The following CCDC149 variants were observed in gnomAD, a reference collection of about 807,000 sequenced individuals.
CCDC149 encodes coiled-coil domain containing 149.
In CCDC149, 45 loss-of-function variants were observed where a neutral mutation model predicts 59.9. The ratio of observed to expected loss-of-function variants is 0.75; its 90% CI spans 0.59 to 0.96. The LOEUF (loss-of-function observed/expected upper bound fraction) is 0.96. Among genes scored for constraint, CCDC149 ranks in the 40% least tolerant of loss-of-function variants. The probability of loss-of-function intolerance (pLI) is 0.00; values close to 1 mark genes in which losing one functional copy is unlikely to be tolerated. For synonymous variants in CCDC149, 245 were observed against 260.6 expected (o/e 0.94, Z 0.58); for missense variants, 584 against 664.7 (o/e 0.88, Z 1.33).
chr4:24,877,072 G>A (rs1017571085), intron 1 of CCDC149, among the ~76,000 whole-genome samples: 4 of 152,002 alleles, frequency 2.6e-5, no homozygotes, highest in Non-Finnish European at 5.9e-5. Context: ...TGTTACTAAC[G>A]ATAAACTCTT....
intron 12 of CCDC149, among the ~76,000 whole-genome samples, chr4:24,817,535 C>T (rs1432751569): frequency 6.6e-6 from 1 of 151,648 alleles, no homozygotes; most frequent in African/African-American, 2.4e-5. Context: ...TCATCTGGGT[C>T]TTCTTACCCA....
chr4:24,885,895 G>T (rs1188860542), intron 1 of CCDC149, among the ~76,000 whole-genome samples: 2 of 152,138 alleles, frequency 1.3e-5, no homozygotes, highest in African/African-American at 4.8e-5. Context: ...GGAATAATAA[G>T]AAGACCTTCA....
downstream of CCDC149, among the ~76,000 whole-genome samples, chr4:24,805,209 C>T (rs1035785480): frequency 2.0e-5 from 3 of 152,182 alleles, no homozygotes; most frequent in African/African-American, 4.8e-5. Flanking sequence ...GACCTGTCAG[C>T]TCTGTTTCAT....
At chr4:24,853,329 T>G (rs1717787185) in intron 3 of CCDC149, 150 bp from the exon 4 acceptor site, 1 of 651,600 alleles carries the variant, frequency 1.5e-6, no homozygotes, top group African/African-American at 1.8e-5. Flanking sequence ...GCAGCCAGTG[T>G]GTGAATCACA....
At position 24,819,895 on chromosome 4, in the gene CCDC149, C is replaced by T. The variant is rs771408099; in HGVS notation, c.1156G>A (p.Glu386Lys). The T allele has an allele frequency of 1.5e-5, 24 of 1,551,472 alleles. No individual in the cohort carries two copies. Among genetic ancestry groups the T allele is most frequent in the African/African-American group, 2.7e-5 (2 of 73,002 alleles). ...TCTGCTTTGTTCTCAGTGGGCTGCTCGACAAACTTCAGCAGTGGGGATCTC... is the reference window on the plus strand; with the variant it reads ...TCTGCTTTGTTCTCAGTGGGCTGCTTGACAAACTTCAGCAGTGGGGATCTC... Residue 386 changes from glutamate (E) to lysine (K), a missense_variant, in exon 12 of 13, where the codon GAG becomes AAG. Physicochemically the swap from Glu to Lys is moderately conservative, Grantham distance 56. Coordinates refer to ENST00000635206, the MANE Select transcript of CCDC149 (RefSeq NM_001330643.2).
At chr4:24,868,863 T>A (rs1300859524) in intron 3 of CCDC149, among the ~76,000 whole-genome samples, 1 of 152,204 alleles carries the variant, frequency 6.6e-6, no homozygotes, top group Non-Finnish European at 1.5e-5. Context: ...TCTGGCTCCA[T>A]CACCAGTTCG....
At chr4:24,816,877 C>T (rs1715045981) in intron 12 of CCDC149, among the ~76,000 whole-genome samples, 2 of 152,178 alleles carry the variant, frequency 1.3e-5, no homozygotes, top group African/African-American at 4.8e-5. Flanking sequence ...CTGCCACTGG[C>T]CCGAAAAGGC....
chr4:24,956,981 A>G (rs1469703101), intron 1 of CCDC149, among the ~76,000 whole-genome samples: 2 of 152,242 alleles, frequency 1.3e-5, no homozygotes. Context: ...TGACCAAGAA[A>G]TCCCATGGTA....
chr4:24,945,643 T>C (rs1327570704), intron 1 of CCDC149, among the ~76,000 whole-genome samples: 1 of 144,810 alleles, frequency 6.9e-6, no homozygotes, highest in East Asian at 2.0e-4. Context: ...TTTTTTTTAG[T>C]TGAAGTCTTG....
intron 9 of CCDC149, chr4:24,830,687 C>T (rs12511680): frequency 0.029 from 4,470 of 152,204 alleles, 154 homozygotes; most frequent in East Asian, 0.16. Context: ...TCCAGGTGTA[C>T]GTCTGTCTTG....
chr4:24,974,911 G>T (rs761201720), intron 1 of CCDC149, among the ~76,000 whole-genome samples: 1 of 152,124 alleles, frequency 6.6e-6, no homozygotes, highest in Non-Finnish European at 1.5e-5. Context: ...GGGAGGGAAG[G>T]GAAATGCTAT....
intron 1 of CCDC149, among the ~76,000 whole-genome samples, chr4:24,937,067 C>T (rs975926851): frequency 8.5e-5 from 13 of 152,288 alleles, no homozygotes; most frequent in African/African-American, 2.4e-4. Flanking sequence ...TCATTGGTGG[C>T]GCCAAGGCGA....
chr4:24,836,246 C>G (rs151107459), intron 7 of CCDC149, among the ~76,000 whole-genome samples, 190 bp downstream of exon 7: 84 of 152,326 alleles, frequency 5.5e-4, no homozygotes, highest in Non-Finnish European at 1.0e-3. Flanking sequence ...TTGCGAAAAG[C>G]TGCTTTGGTT....
chr4:24,952,677 C>T (rs1287140542), intron 1 of CCDC149, among the ~76,000 whole-genome samples: 1 of 107,208 alleles, frequency 9.3e-6, no homozygotes, highest in Non-Finnish European at 1.8e-5. Context: ...TGGTAAAAGA[C>T]ACATAACAAA....
In CCDC149 at chr4:24,931,829, G is replaced by GTATATATATGTATATATATATATATATA. The variant is rs60585956; in HGVS notation, c.-64-36712_-64-36711insTATATATATATATATATACATATATATA. Among the ~76,000 whole-genome samples, 644 of 76,726 alleles carry GTATATATATGTATATATATATATATATA rather than the reference G, an allele frequency of 8.4e-3. 10 individuals carry two copies. Among genetic ancestry groups the GTATATATATGTATATATATATATATATA allele is most frequent in the Non-Finnish European group, 0.011 (478 of 41,618 alleles). The allele number at this position is 76,726 out of a possible 152,430, so 50.3% of individuals were successfully genotyped here. On this transcript the variant is annotated intron_variant, in intron 1 of 12. Coordinates refer to the CCDC149 transcript ENST00000389609. ...CTCCCTTATATTGTATGGAGAGTATGTATATATATATATATATATATATGC... is the reference window on the plus strand; with the variant it reads ...CTCCCTTATATTGTATGGAGAGTATGTATATATATGTATATATATATATATATATATATATATATATATATATATATGC...
chr4:24,876,402 G>A (rs976243453), intron 2 of CCDC149, 134 bp downstream of exon 2: 8 of 874,750 alleles, frequency 9.1e-6, no homozygotes, highest in Non-Finnish European at 1.4e-5. Context: ...TAGAGGTGGT[G>A]ACTTTTACTT....
upstream of CCDC149, among the ~76,000 whole-genome samples, chr4:24,917,416 A>T (rs532395326): frequency 6.6e-6 from 1 of 152,270 alleles, no homozygotes; most frequent in African/African-American, 2.4e-5. Context: ...TGTCATCCTA[A>T]GGGGGCACAG....
At chr4:24,812,431 G>A (rs1338555814) in intron 12 of CCDC149, among the ~76,000 whole-genome samples, 2 of 152,160 alleles carry the variant, frequency 1.3e-5, no homozygotes, top group Admixed American at 6.5e-5. Flanking sequence ...GGCTCTGCTC[G>A]CTTCTTGTAG....
At chr4:24,962,219 A>AT (rs1723653027) in intron 1 of CCDC149, among the ~76,000 whole-genome samples, 1 of 152,218 alleles carries the variant, frequency 6.6e-6, no homozygotes. Flanking sequence ...AATGCTCATC[A>AT]TCACTGGCCA....
Sources: allele counts gnomAD v4.1 joint callset (sites outside exome capture counted in the v4.1 genomes callset), GRCh38; gene constraint gnomAD v4.1.1; transcripts MANE v1.5; gene names NCBI Gene and HGNC (gene_info 2026-07-23, HGNC 2026-07-21).